Variants in TTC39C observed in about 807,000 individuals in gnomAD.
TTC39C encodes the protein tetratricopeptide repeat domain 39C, also known as tetratricopeptide repeat protein 39C.
A neutral mutation model predicts 76.3 loss-of-function variants in TTC39C; 33 were observed. That is an observed-to-expected ratio of 0.43 (90% confidence interval 0.33 to 0.58). The LOEUF is 0.58. TTC39C is among the 20% of genes least tolerant of loss of function. The pLI is 0.04. For synonymous variants in TTC39C, 254 were observed against 260.6 expected (o/e 0.97, Z 0.24); for missense variants, 595 against 701.4 (o/e 0.85, Z 1.71).
chr18:24,122,530 A>T (rs2084982569), intron 8 of TTC39C, among the ~76,000 whole-genome samples: 1 of 149,370 alleles, frequency 6.7e-6, no homozygotes, highest in Non-Finnish European at 1.5e-5. Context: ...AGAAGAGGGA[A>T]CTAGCAAGTC....
intron 8 of TTC39C, among the ~76,000 whole-genome samples, chr18:24,118,970 TG>T (rs1435452142): frequency 1.3e-5 from 2 of 152,208 alleles, no homozygotes; most frequent in African/African-American, 4.8e-5. Flanking sequence ...CTAGTATTTT[TG>T]TTTGGTTCGT....
intron 1 of TTC39C, among the ~76,000 whole-genome samples, chr18:24,059,480 C>G (rs2084063071): frequency 6.6e-6 from 1 of 152,288 alleles, no homozygotes. Context: ...GTTTTCTGTT[C>G]CTGCATGAGT....
chr18:24,055,183 G>A (rs540127073), intron 1 of TTC39C, among the ~76,000 whole-genome samples: 3 of 152,258 alleles, frequency 2.0e-5, no homozygotes, highest in Admixed American at 1.3e-4. Flanking sequence ...TAGCTGTTGT[G>A]AATAATGCTG....
intron 8 of TTC39C, among the ~76,000 whole-genome samples, chr18:24,120,230 G>T (rs7236362): frequency 0.14 from 21,534 of 152,166 alleles, 1,694 homozygotes; most frequent in East Asian, 0.17. Flanking sequence ...CACACCTGTA[G>T]TCCCAGCTGC....
chr18:24,107,189 G>A (rs2145797952), intron 6 of TTC39C, among the ~76,000 whole-genome samples: 1 of 152,268 alleles, frequency 6.6e-6, no homozygotes, highest in East Asian at 1.9e-4. Context: ...AAGTACTCAT[G>A]TATATTTAGT....
Position 24,080,569 on chromosome 18 carries a change from C to T in TTC39C, c.461-16C>T, listed in dbSNP as rs766397350. 12 of 1,538,322 alleles carry T rather than the reference C, an allele frequency of 7.8e-6. No individual in the cohort carries two copies. In the South Asian group the frequency reaches 1.3e-4, roughly 17 times the overall value. On this transcript the variant is annotated splice_polypyrimidine_tract_variant and intron_variant, in intron 4 of 13. Transcript: ENST00000317571. ...TTTTGAATGTTTTTGAATCTTTTCT[C>T]CCCTTCTCTTTTTAGCTTATATCAA...
upstream of TTC39C, among the ~76,000 whole-genome samples, chr18:24,013,577 C>T (rs1342381797): frequency 6.6e-6 from 1 of 152,004 alleles, no homozygotes; most frequent in African/African-American, 2.4e-5. Context: ...AAAAAAAATT[C>T]TGTTATAAAT....
At position 24,091,966 on chromosome 18, in the gene TTC39C, G is replaced by A. The variant is rs1043177092; in HGVS notation, c.984+8885G>A. On this transcript the variant is annotated intron_variant, in intron 6 of 13. Transcript: ENST00000317571. Reference sequence around the variant, plus strand: ...AAATTAGCCAGGTGTGGTAGCGGGCGCCTGTAGTCCCAGCTACTCGGGAGG... The same window carrying A: ...AAATTAGCCAGGTGTGGTAGCGGGCACCTGTAGTCCCAGCTACTCGGGAGG... 6.6e-5 allele frequency among the ~76,000 whole-genome samples: 10 copies of A among 151,470 alleles called. 1 individual carries two copies. The highest frequency in any genetic ancestry group is 1.9e-4 in the East Asian group (1 of 5,168).
chr18:24,079,096 G>A (rs1393477543), intron 4 of TTC39C, among the ~76,000 whole-genome samples: 1 of 152,194 alleles, frequency 6.6e-6, no homozygotes, highest in Non-Finnish European at 1.5e-5. Context: ...AAAGGGCCTG[G>A]AAGTCTGACA....
At chr18:24,091,639 A>T (rs910289663) in intron 6 of TTC39C, among the ~76,000 whole-genome samples, 3 of 152,238 alleles carry the variant, frequency 2.0e-5, no homozygotes, top group Non-Finnish European at 2.9e-5. Flanking sequence ...CATCAAAATG[A>T]AACATTTGCG....
Position 24,113,371 on chromosome 18 carries a change from C to T in TTC39C, c.985-1183C>T. ...CAGTGACGTGCTGAGGAGAGGAGCC[C>T]AGGTCTGCGGGTGGGGGACCCGTCC... On this transcript the variant is annotated intron_variant, in intron 6 of 13. Coordinates refer to ENST00000317571, the MANE Select transcript of TTC39C (RefSeq NM_001135993.2). 3 of 577,336 alleles carry T rather than the reference C, an allele frequency of 5.2e-6. No homozygotes were observed. In the South Asian group the frequency reaches 6.3e-5, roughly 12 times the overall value. The allele number at this position is 577,336 out of a possible 1,614,324, so 35.8% of individuals were successfully genotyped here.
At chr18:24,122,177 C>T (rs997166499) in intron 8 of TTC39C, among the ~76,000 whole-genome samples, 2 of 152,040 alleles carry the variant, frequency 1.3e-5, no homozygotes, top group African/African-American at 4.8e-5. Context: ...TTGACCATGC[C>T]CAAATGCGAG....
intron 1 of TTC39C, among the ~76,000 whole-genome samples, chr18:24,000,077 G>A (rs2083300631): frequency 6.6e-6 from 1 of 152,250 alleles, no homozygotes; most frequent in African/African-American, 2.4e-5. Flanking sequence ...CCCTACTACA[G>A]CCTAACATCA....
intron 3 of TTC39C, among the ~76,000 whole-genome samples, chr18:24,066,472 G>A (rs1244319019): frequency 6.6e-6 from 1 of 152,132 alleles, no homozygotes; most frequent in Non-Finnish European, 1.5e-5. Context: ...TAATAGAATT[G>A]CATTTTGGTG....
In TTC39C at chr18:24,083,022, G is replaced by A; in HGVS notation, c.925G>A (p.Ala309Thr). Residue 309 changes from alanine (A) to threonine (T), a missense_variant, in exon 6 of 14, where the codon GCT becomes ACT. Transcript: ENST00000317571. ...TAAGGAAATTCTCCTTAAAAAAGAAGCTGCTTATCCAAATTCTTCCCTCTT... is the reference window on the plus strand; with the variant it reads ...TAAGGAAATTCTCCTTAAAAAAGAAACTGCTTATCCAAATTCTTCCCTCTT... ...EAKEILLKKEAAYPNSSLFMF... is the reference protein window; with the variant it reads ...EAKEILLKKETAYPNSSLFMF... 2 of 1,614,100 alleles carry A rather than the reference G, an allele frequency of 1.2e-6. No homozygotes were observed. Among genetic ancestry groups the A allele is most frequent in the Non-Finnish European group, 1.7e-6 (2 of 1,179,972 alleles).
chr18:24,016,042 T>C (rs1455700585), intron 1 of TTC39C, among the ~76,000 whole-genome samples: 1 of 152,236 alleles, frequency 6.6e-6, no homozygotes, highest in African/African-American at 2.4e-5. Flanking sequence ...AATGTACAAC[T>C]GTGACCGGGA....
intron 1 of TTC39C, chr18:24,016,599 C>G (rs1263308650): frequency 2.5e-6 from 1 of 398,064 alleles, no homozygotes; most frequent in Admixed American, 4.4e-5. Flanking sequence ...GGCGAAAATA[C>G]TACCTTTACA....
intron 7 of TTC39C, among the ~76,000 whole-genome samples, chr18:24,116,710 A>AT (rs910636157): frequency 3.3e-5 from 5 of 150,676 alleles, no homozygotes; most frequent in Non-Finnish European, 7.4e-5. Context: ...ATAACAGAAT[A>AT]TTTTTTATGG....
chr18:24,081,654 A>G (rs181223582), intron 5 of TTC39C, among the ~76,000 whole-genome samples: 1 of 152,320 alleles, frequency 6.6e-6, no homozygotes, highest in East Asian at 1.9e-4. Flanking sequence ...TGTTGATATC[A>G]TAGAGGACCT....
Sources: gnomAD v4.1 joint callset for allele counts (sites outside exome capture counted in the v4.1 genomes callset) on GRCh38, gnomAD v4.1.1 for gene constraint, MANE v1.5 for transcripts, NCBI Gene and HGNC (gene_info 2026-07-23, HGNC 2026-07-21) for gene names.